PCDH17: variants seen among roughly 807,000 people sequenced by gnomAD.
PCDH17 encodes the protein protocadherin-17.
A neutral mutation model predicts 67.7 loss-of-function variants in PCDH17; 21 were observed. That is an observed-to-expected ratio of 0.31 (90% CI 0.22 to 0.45). The LOEUF (loss-of-function observed/expected upper bound fraction) is 0.45. PCDH17 is among the 20% of genes least tolerant of loss of function. PCDH17 has a pLI of 1.00. For synonymous variants in PCDH17, 701 were observed against 656.7 expected (o/e 1.07, Z -1.03); for missense variants, 1,471 against 1,564.8 (o/e 0.94, Z 1.01).
At chr13:57,646,596 A>G (rs1012942875) in intron 1 of PCDH17, among the ~76,000 whole-genome samples, 54 of 151,772 alleles carry the variant, frequency 3.6e-4, no homozygotes, top group African/African-American at 1.0e-3. Flanking sequence ...TAAAAATTCA[A>G]TTATCCCCAT....
chr13:57,720,817 A>G (rs749907657), intron 3 of PCDH17, among the ~76,000 whole-genome samples: 3 of 152,184 alleles, frequency 2.0e-5, no homozygotes, highest in South Asian at 2.1e-4. Flanking sequence ...GAGTTACTTC[A>G]TCTGTTTTGC....
At chr13:57,693,345 T>TATATATATATATA (rs1955578085) in intron 3 of PCDH17, among the ~76,000 whole-genome samples, 2 of 137,856 alleles carry the variant, frequency 1.5e-5, no homozygotes, top group African/African-American at 2.7e-5. Context: ...TATATATATA[T>TATATATATATATA]CAAGGAGTTA....
At chr13:57,661,288 A>G (rs768090656) in intron 1 of PCDH17, among the ~76,000 whole-genome samples, 2 of 152,150 alleles carry the variant, frequency 1.3e-5, no homozygotes, top group Non-Finnish European at 2.9e-5. Flanking sequence ...CTTTTGTACC[A>G]TCAATATATT....
Position 57,632,763 on chromosome 13 carries a change from C to T in PCDH17, c.217C>T (p.His73Tyr), listed in dbSNP as rs948334055. The T allele has an allele frequency of 1.9e-6, 3 of 1,612,746 alleles. No individual in the cohort carries two copies. Among genetic ancestry groups the T allele is most frequent in the Admixed American group, 3.3e-5 (2 of 59,960 alleles). The change falls in exon 1 of 4, where the codon CAC (histidine) becomes TAC (tyrosine). Residue 73 changes from histidine to tyrosine, a missense_variant. Physicochemically the swap from His to Tyr is moderately conservative, Grantham distance 83. Transcript: ENST00000377918. ...SYRVLENSAPHLLDVDADSGL... is the reference protein window; with the variant it reads ...SYRVLENSAPYLLDVDADSGL... ...CCGGGTGCTGGAGAACTCCGCACCG[C>T]ACCTGCTGGACGTGGACGCAGACAG...
At chr13:57,641,069 A>G (rs1175369307) in intron 1 of PCDH17, among the ~76,000 whole-genome samples, 1 of 151,952 alleles carries the variant, frequency 6.6e-6, no homozygotes, top group Non-Finnish European at 1.5e-5. Flanking sequence ...AGAATAGCAT[A>G]AAGTTCCTTT....
intron 3 of PCDH17, among the ~76,000 whole-genome samples, chr13:57,679,099 G>C (rs1352090810): frequency 6.6e-6 from 1 of 151,358 alleles, no homozygotes; most frequent in East Asian, 1.9e-4. Flanking sequence ...GTTCAAGTCA[G>C]TTTTATTCAC....
In PCDH17 at chr13:57,633,074, C is replaced by T. The variant is rs768753813; in HGVS notation, c.528C>T (p.His176=). The change falls in exon 1 of 4, where the codon CAC becomes CAT. Residue 176 remains histidine, a synonymous_variant. Transcript: ENST00000377918. This position sits in a 1 kb window ranked among gnomAD's most constrained non-coding sequence, Gnocchi z 6.2. ...CCTACCTGCTCACGCGCGACGATCACGGCCTCTTTGGACTGGACGTTAAGT... is the reference window on the plus strand; with the variant it reads ...CCTACCTGCTCACGCGCGACGATCATGGCCTCTTTGGACTGGACGTTAAGT... The part of the protein sequence containing the change: ...LRTYLLTRDD[H]GLFGLDVKSR... The T allele has an allele frequency of 4.3e-6, 7 of 1,613,374 alleles. No homozygotes were observed. Among genetic ancestry groups the T allele is most frequent in the Non-Finnish European group, 5.1e-6 (6 of 1,179,970 alleles).
chr13:57,685,601 A>G (rs140957551), intron 3 of PCDH17, among the ~76,000 whole-genome samples: 156 of 152,156 alleles, frequency 1.0e-3, no homozygotes, highest in Non-Finnish European at 4.7e-4. Flanking sequence ...CCATATGAAT[A>G]TTAAATAATG....
In PCDH17 at chr13:57,659,195, T is replaced by C. The variant is rs545488370; in HGVS notation, c.2566-7273T>C. Among the ~76,000 whole-genome samples, 4 of 152,270 alleles carry C rather than the reference T, an allele frequency of 2.6e-5. No homozygotes were observed. In the South Asian group the frequency reaches 8.3e-4, roughly 32 times the overall value. ...TGTAAATTAATCCCAGATTGAATTC[T>C]AGCAGCATTTACTTAAATGGTATGT... On this transcript the variant is annotated intron_variant, in intron 1 of 3. Coordinates refer to ENST00000377918, the MANE Select transcript of PCDH17 (RefSeq NM_001040429.3).
At chr13:57,675,626 G>A (rs1294944397) in intron 3 of PCDH17, among the ~76,000 whole-genome samples, 3 of 151,948 alleles carry the variant, frequency 2.0e-5, no homozygotes, top group Non-Finnish European at 4.4e-5. Flanking sequence ...GAGGGAGGAT[G>A]ACAGGAAACA....
At chr13:57,635,240 T>C (rs771535035) in intron 1 of PCDH17, 129 bp downstream of exon 1, 45 of 922,946 alleles carry the variant, frequency 4.9e-5, no homozygotes, top group Non-Finnish European at 6.9e-5. Flanking sequence ...ATGAAAACGG[T>C]TTACACTTTT....
chr13:57,682,911 A>G (rs920681766), intron 3 of PCDH17, among the ~76,000 whole-genome samples: 1 of 151,880 alleles, frequency 6.6e-6, no homozygotes, highest in Admixed American at 6.6e-5. Flanking sequence ...ACAACATTTA[A>G]TGACTATTCA....
At chr13:57,695,777 T>C (rs1226405667) in intron 3 of PCDH17, among the ~76,000 whole-genome samples, 1 of 151,400 alleles carries the variant, frequency 6.6e-6, no homozygotes, top group African/African-American at 2.4e-5. Flanking sequence ...ATCATTTCTG[T>C]CCTCAAAGAT....
At chr13:57,720,952 A>T (rs983874813) in intron 3 of PCDH17, among the ~76,000 whole-genome samples, 5 of 152,176 alleles carry the variant, frequency 3.3e-5, no homozygotes, top group African/African-American at 9.6e-5. Context: ...GATTCTTAAT[A>T]CTAAACAAGT....
At chr13:57,680,870 C>A (rs968136943) in intron 3 of PCDH17, among the ~76,000 whole-genome samples, 1 of 151,754 alleles carries the variant, frequency 6.6e-6, no homozygotes, top group Non-Finnish European at 1.5e-5. Flanking sequence ...ATTTTTACAG[C>A]AGAGCTGATA....
Position 57,632,907 on chromosome 13 carries a change from G to A in PCDH17, c.361G>A (p.Glu121Lys). 3.1e-6 allele frequency: 5 copies of A among 1,614,098 alleles called. No individual in the cohort carries two copies. The highest frequency in any genetic ancestry group is 4.2e-6 in the Non-Finnish European group (5 of 1,180,026). ...CAAGGAGATCTGCATGATCAAGGTA[G>A]AGATCCAGGACATCAACGACAACGC... ...NDKEICMIKVEIQDINDNAPS... is the reference protein window; with the variant it reads ...NDKEICMIKVKIQDINDNAPS... Residue 121 changes from glutamate to lysine, a missense_variant, in exon 1 of 4, where the codon GAG becomes AAG. Glu to Lys is a moderately conservative substitution (Grantham distance 56). Transcript: ENST00000377918.
At chr13:57,665,513 G>A (rs908212363) in intron 1 of PCDH17, among the ~76,000 whole-genome samples, 9 of 152,082 alleles carry the variant, frequency 5.9e-5, no homozygotes, top group Non-Finnish European at 1.2e-4. Flanking sequence ...TTGTGTGCTG[G>A]ATAATCTTGT....
intron 3 of PCDH17, among the ~76,000 whole-genome samples, chr13:57,669,515 T>A (rs1239897933): frequency 6.6e-6 from 1 of 152,064 alleles, no homozygotes; most frequent in African/African-American, 2.4e-5. Flanking sequence ...ATTTTATCTA[T>A]CTGTCAGTCT....
At chr13:57,703,204 G>C (rs959387944) in intron 3 of PCDH17, among the ~76,000 whole-genome samples, 10 of 152,220 alleles carry the variant, frequency 6.6e-5, no homozygotes, top group Middle Eastern at 3.4e-3. Flanking sequence ...TAAGCCACAT[G>C]ACTTTGAATA....
Sources: allele counts gnomAD v4.1 joint callset (sites outside exome capture counted in the v4.1 genomes callset), GRCh38; gene constraint gnomAD v4.1.1; non-coding constraint Gnocchi (gnomAD v3.1); transcripts MANE v1.5; gene names NCBI Gene and HGNC (gene_info 2026-07-23, HGNC 2026-07-21).